Variants in GRID2 observed in about 807,000 individuals in gnomAD.
The protein encoded by GRID2 is glutamate ionotropic receptor delta type subunit 2, also known as glutamate receptor ionotropic, delta-2.
A neutral mutation model predicts 114.8 loss-of-function variants in GRID2; 33 were observed. The ratio of observed to expected loss-of-function variants is 0.29; its 90% CI spans 0.22 to 0.38. The LOEUF (loss-of-function observed/expected upper bound fraction) is 0.38, where lower values mean the gene tolerates loss of function less well. GRID2 is among the 10% of genes least tolerant of loss of function. GRID2 has a pLI of 1.00. For missense variants in GRID2, 1,184 were observed against 1,257.7 expected (o/e 0.94, Z 0.89); for synonymous variants, 505 against 449.9 (o/e 1.12, Z -1.55).
intron 4 of GRID2, among the ~76,000 whole-genome samples, chr4:93,170,919 T>C (rs1738750957): frequency 1.3e-5 from 2 of 151,944 alleles, no homozygotes; most frequent in South Asian, 4.2e-4. Flanking sequence ...TTAAATATAC[T>C]CAGAAAATAA....
intron 2 of GRID2, among the ~76,000 whole-genome samples, chr4:92,923,555 A>C (rs948385178): frequency 6.6e-6 from 1 of 152,208 alleles, no homozygotes; most frequent in African/African-American, 2.4e-5. Context: ...ACTTATTTCT[A>C]TTCTGCCATT....
chr4:93,553,006 C>T (rs1472843547), intron 13 of GRID2, among the ~76,000 whole-genome samples: 1 of 152,120 alleles, frequency 6.6e-6, no homozygotes, highest in African/African-American at 2.4e-5. Context: ...TGTACATGTG[C>T]CACGTTTTCT....
At chr4:92,709,582 A>AT (rs1560545249) in intron 2 of GRID2, among the ~76,000 whole-genome samples, 23 of 130,426 alleles carry the variant, frequency 1.8e-4, no homozygotes, top group African/African-American at 7.0e-4. Flanking sequence ...GAAAAAAAAA[A>AT]AAAAAAAATA....
At chr4:92,444,306 A>G (rs545239252) in intron 1 of GRID2, among the ~76,000 whole-genome samples, 25 of 152,260 alleles carry the variant, frequency 1.6e-4, no homozygotes, top group African/African-American at 5.5e-4. Context: ...AAAGAGAGTC[A>G]GTGAAGGGAG....
intron 1 of GRID2, among the ~76,000 whole-genome samples, chr4:93,801,621 G>A (rs1279078378): frequency 6.6e-6 from 1 of 152,096 alleles, no homozygotes; most frequent in African/African-American, 2.4e-5. Context: ...TCTAACAGTA[G>A]TTTTACAATA....
At chr4:93,422,692 A>G in intron 9 of GRID2, 79 bp from the exon 10 acceptor site, 2 of 878,640 alleles carry the variant, frequency 2.3e-6, no homozygotes, top group Non-Finnish European at 3.6e-6. Flanking sequence ...AGATTTAATC[A>G]AAACTCTTTA....
At chr4:93,269,443 T>G (rs1369478242) in intron 8 of GRID2, among the ~76,000 whole-genome samples, 1 of 152,204 alleles carries the variant, frequency 6.6e-6, no homozygotes, top group African/African-American at 2.4e-5. Flanking sequence ...ACCAACATAT[T>G]CTTGTCAGCC....
intron 2 of GRID2, among the ~76,000 whole-genome samples, chr4:92,943,480 C>G (rs1342555778): frequency 1.3e-5 from 2 of 152,124 alleles, no homozygotes; most frequent in East Asian, 1.9e-4. Flanking sequence ...AGCCATTCAT[C>G]TAATTTTTTT....
chr4:92,709,436 G>A (rs984188948), intron 2 of GRID2, among the ~76,000 whole-genome samples: 3 of 151,702 alleles, frequency 2.0e-5, no homozygotes, highest in Non-Finnish European at 2.9e-5. Flanking sequence ...GTAATGATAC[G>A]CTATTCGCAG....
chr4:92,751,466 C>A (rs545860948), intron 2 of GRID2, among the ~76,000 whole-genome samples: 1 of 152,008 alleles, frequency 6.6e-6, no homozygotes, highest in African/African-American at 2.4e-5. Context: ...GAAATTAGTC[C>A]AAAAAGGCTG....
At chr4:93,427,025 C>T (rs1768917382) in intron 10 of GRID2, among the ~76,000 whole-genome samples, 1 of 151,870 alleles carries the variant, frequency 6.6e-6, no homozygotes, top group South Asian at 2.1e-4. Flanking sequence ...TGAATGCCAA[C>T]AGAAAATAAC....
intron 2 of GRID2, among the ~76,000 whole-genome samples, chr4:92,900,873 G>T (rs544220554): frequency 3.1e-4 from 46 of 146,668 alleles, no homozygotes; most frequent in Non-Finnish European, 4.3e-4. Context: ...ATGCCTTACA[G>T]TTTCATCCAT....
intron 2 of GRID2, among the ~76,000 whole-genome samples, chr4:93,070,722 A>G (rs954772677): frequency 1.3e-5 from 2 of 152,096 alleles, no homozygotes; most frequent in African/African-American, 2.4e-5. Context: ...ACCAAAATAC[A>G]TTCTTCTGCC....
chr4:92,727,130 G>A (rs964702983), intron 2 of GRID2, among the ~76,000 whole-genome samples: 3 of 151,900 alleles, frequency 2.0e-5, no homozygotes, highest in Non-Finnish European at 4.4e-5. Flanking sequence ...TATTCCCTAT[G>A]TATTTGTATA....
chr4:92,839,607 A>G (rs1033523551), intron 2 of GRID2, among the ~76,000 whole-genome samples: 1 of 151,848 alleles, frequency 6.6e-6, no homozygotes, highest in Non-Finnish European at 1.5e-5. Flanking sequence ...CATATTGTTT[A>G]ATTTCCATGT....
intron 9 of GRID2, among the ~76,000 whole-genome samples, chr4:93,417,537 C>A (rs11940945): frequency 1.3e-5 from 2 of 151,802 alleles, no homozygotes; most frequent in Non-Finnish European, 2.9e-5. Flanking sequence ...CCACAGAAAC[C>A]ACCTCCCCAG....
intron 4 of GRID2, among the ~76,000 whole-genome samples, chr4:93,175,127 A>G (rs1039683155): frequency 2.0e-5 from 3 of 151,792 alleles, no homozygotes; most frequent in Non-Finnish European, 4.4e-5. Context: ...GCCTCACAGC[A>G]TTCAATGTTA....
At chr4:93,529,707 A>G (rs954652666) in intron 13 of GRID2, among the ~76,000 whole-genome samples, 2 of 152,088 alleles carry the variant, frequency 1.3e-5, no homozygotes, top group Non-Finnish European at 2.9e-5. Flanking sequence ...TTTCAACACT[A>G]AGGAACAAAA....
At chr4:93,471,371 A>ACTC (rs1352935080) in intron 11 of GRID2, among the ~76,000 whole-genome samples, 1 of 152,030 alleles carries the variant, frequency 6.6e-6, no homozygotes, top group Non-Finnish European at 1.5e-5. Flanking sequence ...GTATTCCGTA[A>ACTC]CTCCCCTTCT....
Sources: allele counts gnomAD v4.1 joint callset (sites outside exome capture counted in the v4.1 genomes callset), GRCh38; gene constraint gnomAD v4.1.1; transcripts MANE v1.5; gene names NCBI Gene and HGNC (gene_info 2026-07-23, HGNC 2026-07-21).